RXRA: variants seen among roughly 807,000 people sequenced by gnomAD.
The protein encoded by RXRA is retinoid X receptor alpha.
RXRA carries 5 observed loss-of-function variants against 44.5 expected under a neutral mutation model. The ratio of observed to expected loss-of-function variants is 0.11; its 90% CI spans 0.06 to 0.24. RXRA has a LOEUF of 0.24. RXRA is among the 10% of genes least tolerant of loss of function. The pLI is 1.00. For synonymous variants in RXRA, 291 were observed against 271.4 expected (o/e 1.07, Z -0.71); for missense variants, 412 against 646.5 (o/e 0.64, Z 3.93).
chr9:134,360,854 C>T (rs749580598), intron 1 of RXRA, among the ~76,000 whole-genome samples: 36 of 152,348 alleles, frequency 2.4e-4, no homozygotes, highest in Middle Eastern at 6.8e-3. Context: ...AGTGGAGAAG[C>T]CTGCTGGGGG....
chr9:134,365,007 G>A lies in RXRA; in HGVS notation c.29-36625G>A, dbSNP rs1221541662. Among the ~76,000 whole-genome samples the A allele has an allele frequency of 6.6e-6, 1 of 152,252 alleles. No homozygotes were observed. The highest frequency in any genetic ancestry group is 2.4e-5 in the African/African-American group (1 of 41,464). ...CTTATGAGGAGGCTGATGCTAGAGAGGGGTGTGCCCTGTCCCGGTTGCCCA... is the reference window on the plus strand; with the variant it reads ...CTTATGAGGAGGCTGATGCTAGAGAAGGGTGTGCCCTGTCCCGGTTGCCCA... On this transcript the variant is annotated intron_variant, in intron 1 of 9. Transcript: ENST00000481739. This position sits in a 1 kb window ranked among gnomAD's most constrained non-coding sequence, Gnocchi z 4.0.
rs148244522 is a variant in RXRA, at chr9:134,369,597, G to A, written c.29-32035G>A. Among the ~76,000 whole-genome samples, 359 of 151,964 alleles carry A rather than the reference G, an allele frequency of 2.4e-3. 2 individuals carry two copies. The highest frequency in any genetic ancestry group is 8.3e-3 in the African/African-American group (344 of 41,400). ...TCTTGGATACTGTCACCCATTCCCT[G>A]TGAGCTCTCCACACCCCCACCTTTG... On this transcript the variant is annotated intron_variant, in intron 1 of 9. Transcript: ENST00000481739.
At chr9:134,397,955 G>GC (rs1830903795) in intron 1 of RXRA, among the ~76,000 whole-genome samples, 1 of 152,294 alleles carries the variant, frequency 6.6e-6, no homozygotes, top group East Asian at 1.9e-4. Flanking sequence ...AAGTGCCCCT[G>GC]CAAGTCCAAA....
intron 8 of RXRA, 63 bp downstream of exon 8, chr9:134,432,059 C>A: frequency 7.7e-7 from 1 of 1,290,536 alleles, no homozygotes; most frequent in Non-Finnish European, 1.1e-6. Flanking sequence ...GTGCCTGGGC[C>A]TCCTCCTGGC....
intron 1 of RXRA, among the ~76,000 whole-genome samples, chr9:134,339,362 G>C (rs782489387): frequency 6.6e-6 from 1 of 152,086 alleles, no homozygotes; most frequent in African/African-American, 2.4e-5. Flanking sequence ...TGGGATTCCA[G>C]CCAGGGTTTG....
intron 1 of RXRA, among the ~76,000 whole-genome samples, chr9:134,381,366 G>A (rs1175839628): frequency 6.6e-6 from 1 of 152,280 alleles, no homozygotes; most frequent in South Asian, 2.1e-4. Context: ...CGCTGGGGCA[G>A]AGTGCTGAGA....
At chr9:134,358,243 G>A (rs1830308105) in intron 1 of RXRA, among the ~76,000 whole-genome samples, 1 of 152,238 alleles carries the variant, frequency 6.6e-6, no homozygotes, top group South Asian at 2.1e-4. Flanking sequence ...GGAGGGCTCT[G>A]GCTCACGAGC....
chr9:134,420,430 T>G (rs1341629127), intron 5 of RXRA, among the ~76,000 whole-genome samples: 1 of 152,068 alleles, frequency 6.6e-6, no homozygotes, highest in East Asian at 1.9e-4. Context: ...TCAACCCCAC[T>G]CAGCCGAGGG....
At chr9:134,380,757 C>T (rs1391144292) in intron 1 of RXRA, among the ~76,000 whole-genome samples, 4 of 152,082 alleles carry the variant, frequency 2.6e-5, no homozygotes, top group South Asian at 2.1e-4. Context: ...TCCAGTTCCC[C>T]GGCACCTGGG....
intron 1 of RXRA, among the ~76,000 whole-genome samples, chr9:134,334,361 G>T (rs1320582867): frequency 4.6e-5 from 7 of 152,378 alleles, no homozygotes; most frequent in African/African-American, 1.7e-4. Context: ...TGGGGAGGAT[G>T]TATCTGGTAC....
chr9:134,344,573 G>A (rs1830127212), intron 1 of RXRA, among the ~76,000 whole-genome samples: 1 of 151,992 alleles, frequency 6.6e-6, no homozygotes, highest in Non-Finnish European at 1.5e-5. Context: ...GACGGGGCTG[G>A]ATCCCAGGCC....
At chr9:134,400,922 T>C (rs1333835164) in intron 1 of RXRA, among the ~76,000 whole-genome samples, 5 of 152,172 alleles carry the variant, frequency 3.3e-5, no homozygotes, top group African/African-American at 1.2e-4. Flanking sequence ...GCTAGGGGCC[T>C]GAGCGTCCGG....
intron 1 of RXRA, among the ~76,000 whole-genome samples, chr9:134,368,317 G>A (rs1209971612): frequency 6.6e-6 from 1 of 152,238 alleles, no homozygotes; most frequent in African/African-American, 2.4e-5. Context: ...GTGGGCTTGA[G>A]GCCCCCTTGG....
intron 1 of RXRA, among the ~76,000 whole-genome samples, chr9:134,347,569 G>A (rs769549174): frequency 1.3e-5 from 2 of 152,212 alleles, no homozygotes; most frequent in South Asian, 2.1e-4. Flanking sequence ...GGGGGAGGAC[G>A]GCCAGGGGCC....
intron 1 of RXRA, among the ~76,000 whole-genome samples, chr9:134,396,678 C>T (rs1400814847): frequency 6.6e-6 from 1 of 152,196 alleles, no homozygotes; most frequent in Non-Finnish European, 1.5e-5. Context: ...TTCCTTTGCA[C>T]CATCCTGGAT....
rs1282212816 is a variant in RXRA, at chr9:134,342,858, A to G, written c.28+16199A>G. 6.6e-6 allele frequency among the ~76,000 whole-genome samples: 1 copy of G among 152,140 alleles called. No homozygotes were observed. Among genetic ancestry groups the G allele is most frequent in the Non-Finnish European group, 1.5e-5 (1 of 68,020 alleles). The stretch of plus-strand genomic sequence containing the variant: ...CGCAGGTGGTGGCTGTGGCCCTGCC[A>G]CCACCACAGTGACCTTCCCTTTGTA... On this transcript the variant is annotated intron_variant, in intron 1 of 9. Coordinates refer to ENST00000481739, the MANE Select transcript of RXRA (RefSeq NM_002957.6). This position sits in a 1 kb window ranked among gnomAD's most constrained non-coding sequence, Gnocchi z 4.4.
intron 5 of RXRA, among the ~76,000 whole-genome samples, chr9:134,420,082 G>A (rs1375738588): frequency 1.3e-5 from 2 of 152,210 alleles, no homozygotes; most frequent in Admixed American, 6.5e-5. Context: ...TCCGAGAGTG[G>A]CCGGCTAGTG....
chr9:134,399,067 C>T (rs1459545600), intron 1 of RXRA, among the ~76,000 whole-genome samples: 1 of 152,264 alleles, frequency 6.6e-6, no homozygotes, highest in Non-Finnish European at 1.5e-5. Flanking sequence ...TGGGGCTGAG[C>T]AGAACTTGCT....
chr9:134,432,071 G>C lies in RXRA; in HGVS notation c.1135+75G>C, dbSNP rs78440393. 2.5e-3 allele frequency: 2,895 copies of C among 1,165,996 alleles called. 8 individuals carry two copies. The highest frequency in any genetic ancestry group is 3.3e-3 in the Non-Finnish European group (2,587 of 790,728). The allele number at this position is 1,165,996 out of a possible 1,614,324, so 72.2% of individuals were successfully genotyped here. A position where few individuals can be genotyped will look rare whatever the true frequency, so the allele number is the denominator to read the frequency against. ...GAGGTGCCTGGGCCTCCTCCTGGCTGTACTTCTTGCCTCTGGCTACATGTG... is the reference window on the plus strand; with the variant it reads ...GAGGTGCCTGGGCCTCCTCCTGGCTCTACTTCTTGCCTCTGGCTACATGTG... On this transcript the variant is annotated intron_variant, in intron 8 of 9. Transcript: ENST00000481739.
Sources: allele counts gnomAD v4.1 joint callset (sites outside exome capture counted in the v4.1 genomes callset), GRCh38; gene constraint gnomAD v4.1.1; non-coding constraint Gnocchi (gnomAD v3.1); transcripts MANE v1.5; gene names NCBI Gene and HGNC (gene_info 2026-07-23, HGNC 2026-07-21).